The following PKP4 variants were observed in gnomAD, a reference collection of about 807,000 sequenced individuals.
PKP4 encodes the protein plakophilin-4.
PKP4 carries 90 observed loss-of-function variants against 145.1 expected under a neutral mutation model. The ratio of observed to expected loss-of-function variants is 0.62; its 90% CI spans 0.52 to 0.74. The LOEUF (loss-of-function observed/expected upper bound fraction) is 0.74, where lower values mean the gene tolerates loss of function less well. Ranked by LOEUF, PKP4 falls within the 30% of genes least tolerant of loss-of-function variation. PKP4 has a pLI of 0.00. For missense variants in PKP4, 1,340 were observed against 1,482.7 expected, an observed-to-expected ratio of 0.90 and a Z score of 1.58; for synonymous variants, 563 against 577.2, an observed-to-expected ratio of 0.98 and a Z score of 0.35.
At chr2:158,467,733 G>A (rs1690862473) in intron 1 of PKP4, among the ~76,000 whole-genome samples, 1 of 152,076 alleles carries the variant, frequency 6.6e-6, no homozygotes, top group African/African-American at 2.4e-5. Context: ...TGTAGTCTCA[G>A]GTAATTGGGA....
chr2:158,561,078 A>C (rs879499514), intron 2 of PKP4, among the ~76,000 whole-genome samples: 2 of 152,254 alleles, frequency 1.3e-5, no homozygotes, highest in African/African-American at 4.8e-5. Context: ...AAATAATCAA[A>C]GGCAGAATAT....
At chr2:158,528,995 G>T (rs1260416583) in intron 1 of PKP4, among the ~76,000 whole-genome samples, 2 of 152,170 alleles carry the variant, frequency 1.3e-5, no homozygotes, top group Non-Finnish European at 1.5e-5. Flanking sequence ...TTGGCCTCAA[G>T]ATTTAGAGTT....
At chr2:158,598,469 A>G (rs140399562) in intron 3 of PKP4, among the ~76,000 whole-genome samples, 1 of 152,200 alleles carries the variant, frequency 6.6e-6, no homozygotes, top group African/African-American at 2.4e-5. Context: ...AACATTTTTT[A>G]AAAATATTCC....
At chr2:158,474,834 C>G (rs1436718153) in intron 1 of PKP4, among the ~76,000 whole-genome samples, 3 of 152,150 alleles carry the variant, frequency 2.0e-5, no homozygotes, top group Non-Finnish European at 4.4e-5. Flanking sequence ...CAGGGGAGGT[C>G]CATGTAGAAG....
intron 2 of PKP4, among the ~76,000 whole-genome samples, chr2:158,567,527 A>G (rs528023659): frequency 2.0e-5 from 3 of 152,292 alleles, no homozygotes; most frequent in Non-Finnish European, 2.9e-5. Context: ...ATGATTTCAA[A>G]TCTTGGTTTT....
intron 1 of PKP4, among the ~76,000 whole-genome samples, chr2:158,460,561 A>G (rs970566959): frequency 6.6e-6 from 1 of 152,184 alleles, no homozygotes; most frequent in Non-Finnish European, 1.5e-5. Context: ...CTAGTCTCTT[A>G]CCTGACTCTT....
At chr2:158,667,953 A>T (rs928747888) in intron 16 of PKP4, among the ~76,000 whole-genome samples, 4 of 152,218 alleles carry the variant, frequency 2.6e-5, no homozygotes, top group Non-Finnish European at 5.9e-5. Flanking sequence ...AATGCTAAAA[A>T]ATAAATGGTT....
rs769528450 is a variant in PKP4, at chr2:158,680,635, T to C, written c.3537T>C (p.Tyr1179=). ...TTTATTCCACTAAACGACCTTCTTATAGAGCAGAACAGTACCCAGGGTCCC... is the reference window on the plus strand; with the variant it reads ...TTTATTCCACTAAACGACCTTCTTACAGAGCAGAACAGTACCCAGGGTCCC... ...VDFYSTKRPS[Y]RAEQYPGSPD... The change falls in exon 22 of 22, where the codon TAT becomes TAC. Residue 1179 remains tyrosine, a synonymous_variant. Coordinates refer to ENST00000389759, the MANE Select transcript of PKP4 (RefSeq NM_003628.6). 2.0e-5 allele frequency: 32 copies of C among 1,613,860 alleles called. No homozygotes were observed. In the African/African-American group the frequency reaches 4.1e-4, roughly 21 times the overall value.
intron 9 of PKP4, among the ~76,000 whole-genome samples, chr2:158,637,912 G>A (rs1279836628): frequency 3.9e-5 from 6 of 152,140 alleles, no homozygotes; most frequent in East Asian, 1.9e-4. Flanking sequence ...AATTTTCATC[G>A]AGGTTGGAGT....
intron 2 of PKP4, among the ~76,000 whole-genome samples, chr2:158,559,672 A>G (rs1022690712): frequency 1.3e-5 from 2 of 152,158 alleles, no homozygotes; most frequent in Admixed American, 6.5e-5. Flanking sequence ...AATTGTTACC[A>G]TGAAAACTGC....
chr2:158,538,155 T>C (rs1342444711), intron 2 of PKP4, among the ~76,000 whole-genome samples: 2 of 152,216 alleles, frequency 1.3e-5, no homozygotes, highest in Non-Finnish European at 2.9e-5. Context: ...GATAAGACAT[T>C]CGCTGCTTAT....
chr2:158,472,375 C>T (rs894694382), intron 1 of PKP4, among the ~76,000 whole-genome samples: 8 of 151,854 alleles, frequency 5.3e-5, no homozygotes, highest in South Asian at 2.1e-4. Context: ...TTTGGGAGGC[C>T]GAGGCGGGCA....
At chr2:158,617,988 G>C (rs1223419301) in intron 4 of PKP4, among the ~76,000 whole-genome samples, 4 of 152,130 alleles carry the variant, frequency 2.6e-5, no homozygotes, top group Admixed American at 2.6e-4. Context: ...TTTGAGGCCA[G>C]CCTGGCCAAC....
At position 158,551,756 on chromosome 2, in the gene PKP4, A is replaced by G. The variant is rs186317529; in HGVS notation, c.132+18440A>G. On this transcript the variant is annotated intron_variant, in intron 2 of 21. Coordinates refer to ENST00000389759, the MANE Select transcript of PKP4 (RefSeq NM_003628.6). ...AAAATTATGTTTAAAAGTTAATTAT[A>G]CTTATTCGTAAGTGAAAAAATCAAA... is the stretch of plus-strand genomic sequence containing the variant. Among the ~76,000 whole-genome samples, 239 of 152,318 alleles carry G rather than the reference A, an allele frequency of 1.6e-3. 2 individuals are homozygous for G. The highest frequency in any genetic ancestry group is 5.3e-3 in the African/African-American group (222 of 41,568).
chr2:158,545,162 AGCCTT>A (rs2044888652), intron 2 of PKP4, among the ~76,000 whole-genome samples: 1 of 140,068 alleles, frequency 7.1e-6, no homozygotes, highest in South Asian at 2.3e-4. Flanking sequence ...CTCAGGAGGA[AGCCTT>A]TCATCACTTC....
intron 2 of PKP4, among the ~76,000 whole-genome samples, chr2:158,567,629 G>A (rs1472111678): frequency 1.3e-5 from 2 of 152,140 alleles, no homozygotes; most frequent in African/African-American, 4.8e-5. Context: ...AGAAATACTT[G>A]GCACTTAGCG....
intron 2 of PKP4, among the ~76,000 whole-genome samples, chr2:158,562,060 C>G (rs1442615800): frequency 1.3e-5 from 2 of 151,938 alleles, no homozygotes; most frequent in East Asian, 1.9e-4. Context: ...GGAGATAAGG[C>G]CTTTCACTAT....
At chr2:158,541,545 C>T (rs2044519441) in intron 2 of PKP4, among the ~76,000 whole-genome samples, 1 of 151,984 alleles carries the variant, frequency 6.6e-6, no homozygotes, top group South Asian at 2.1e-4. Flanking sequence ...ATTGAAATAA[C>T]ACATTATTGA....
Position 158,680,429 on chromosome 2 carries a change from C to T in PKP4, c.3331C>T (p.His1111Tyr). ...ATTTGCCTTTTCATTTTGTCAACAGCATCAACAGCTGTATTATAGTCAAGA... is the reference window on the plus strand; with the variant it reads ...ATTTGCCTTTTCATTTTGTCAACAGTATCAACAGCTGTATTATAGTCAAGA... ...PAREQNRRLQ[H>Y]QQLYYSQDDS... Residue 1111 changes from histidine to tyrosine, a missense_variant and splice_region_variant, in exon 22 of 22, where the codon CAT becomes TAT. Transcript: ENST00000389759. 1 of 1,580,684 alleles carries T rather than the reference C, an allele frequency of 6.3e-7. No individual in the cohort carries two copies. The highest frequency in any genetic ancestry group is 8.6e-7 in the Non-Finnish European group (1 of 1,164,052).
Sources: gnomAD v4.1 joint callset for allele counts (sites outside exome capture counted in the v4.1 genomes callset) on GRCh38, gnomAD v4.1.1 for gene constraint, MANE v1.5 for transcripts, NCBI Gene and HGNC (gene_info 2026-07-23, HGNC 2026-07-21) for gene names.